NPR3: variants seen among roughly 807,000 people sequenced by gnomAD.
NPR3 encodes the protein natriuretic peptide receptor 3.
Under a neutral mutation model 54.5 loss-of-function variants are expected in NPR3, and 34 were observed. The ratio of observed to expected loss-of-function variants is 0.62; its 90% confidence interval spans 0.47 to 0.83. The LOEUF (loss-of-function observed/expected upper bound fraction) is 0.83. NPR3 is among the 40% of genes least tolerant of loss of function. NPR3 has a pLI of 0.00. For missense variants in NPR3, 674 were observed against 720.8 expected, an observed-to-expected ratio of 0.94 and a Z score of 0.74; for synonymous variants, 289 against 297.1, an observed-to-expected ratio of 0.97 and a Z score of 0.28.
chr5:32,761,920 C>T (rs1741188789), intron 3 of NPR3, among the ~76,000 whole-genome samples: 1 of 152,050 alleles, frequency 6.6e-6, no homozygotes, highest in Non-Finnish European at 1.5e-5. Flanking sequence ...TTAGGTATTT[C>T]TCCTAATGCT....
At chr5:32,729,304 C>T (rs1336219129) in intron 2 of NPR3, among the ~76,000 whole-genome samples, 1 of 152,052 alleles carries the variant, frequency 6.6e-6, no homozygotes, top group East Asian at 1.9e-4. Flanking sequence ...GCTGGGATTA[C>T]AGGCGTGAGC....
At chr5:32,781,272 A>G (rs1218145417) in intron 5 of NPR3, among the ~76,000 whole-genome samples, 1 of 152,220 alleles carries the variant, frequency 6.6e-6, no homozygotes, top group Non-Finnish European at 1.5e-5. Flanking sequence ...TCTCTGCCTC[A>G]GTTTCCTCAG....
chr5:32,761,167 A>AAATCAACTTGTCAATTTGATTTAAG (rs1741143247), intron 3 of NPR3, among the ~76,000 whole-genome samples: 1 of 152,078 alleles, frequency 6.6e-6, no homozygotes, highest in Non-Finnish European at 1.5e-5. Context: ...TTTTATATAT[A>AAATCAACTTGTCAATTTGATTTAAG]AATCAACTTG....
intron 3 of NPR3, among the ~76,000 whole-genome samples, chr5:32,743,253 A>G (rs1332681385): frequency 6.6e-6 from 1 of 152,192 alleles, no homozygotes; most frequent in Non-Finnish European, 1.5e-5. Flanking sequence ...GATGCAATAC[A>G]GAGAGATTCC....
intron 3 of NPR3, among the ~76,000 whole-genome samples, chr5:32,741,703 A>C (rs998469069): frequency 2.6e-5 from 4 of 152,130 alleles, no homozygotes; most frequent in African/African-American, 9.7e-5. Context: ...AGCTAACTAT[A>C]ATAACTTATT....
At chr5:32,784,992 C>A in intron 7 of NPR3, 109 bp downstream of exon 7, 1 of 902,278 alleles carries the variant, frequency 1.1e-6, no homozygotes, top group Non-Finnish European at 1.7e-6. Flanking sequence ...ACCCAGGAAG[C>A]ACGGTGGTTA....
chr5:32,758,282 C>T lies in NPR3; in HGVS notation c.1060-16426C>T, dbSNP rs201277056. Among the ~76,000 whole-genome samples the T allele has an allele frequency of 3.9e-5, 6 of 152,238 alleles. No individual in the cohort carries two copies. In the East Asian group the frequency reaches 9.6e-4, roughly 24 times the overall value. On this transcript the variant is annotated intron_variant, in intron 3 of 7. Transcript: ENST00000265074. ...TTAATTATTGCCTCAATTTCAGAAC[C>T]TGTTATTGGTCTATTCAGGGATTCA...
At position 32,714,265 on chromosome 5, in the gene NPR3, C is replaced by T. The variant is rs1441550350; in HGVS notation, c.769+1720C>T. On this transcript the variant is annotated intron_variant, in intron 1 of 7. Transcript: ENST00000265074. ...TAGATCCCAATGTCAGCGGCTGCCC[C>T]GGCGCACGTGGCCTGGGATACAAAA... 7.2e-5 allele frequency among the ~76,000 whole-genome samples: 11 copies of T among 152,366 alleles called. No individual in the cohort carries two copies. In the East Asian group the frequency reaches 2.1e-3, roughly 29 times the overall value.
At chr5:32,782,122 A>G (rs1025536484) in intron 5 of NPR3, among the ~76,000 whole-genome samples, 1 of 152,208 alleles carries the variant, frequency 6.6e-6, no homozygotes, top group Non-Finnish European at 1.5e-5. Flanking sequence ...TCCAGGGGCC[A>G]GAGGAGCCAA....
intron 1 of NPR3, among the ~76,000 whole-genome samples, chr5:32,715,111 G>A (rs1232388382): frequency 2.0e-5 from 3 of 152,168 alleles, no homozygotes; most frequent in African/African-American, 7.2e-5. Context: ...CCATGCCATG[G>A]GAAAGAACCC....
chr5:32,760,408 C>T (rs1191801926), intron 3 of NPR3, among the ~76,000 whole-genome samples: 2 of 152,144 alleles, frequency 1.3e-5, no homozygotes, highest in Non-Finnish European at 2.9e-5. Context: ...ATGTAAAATG[C>T]TACCTTGCTG....
chr5:32,790,482 T>C lies in NPR3; in HGVS notation c.*4137T>C, dbSNP rs945779723. 6.0e-5 allele frequency: 10 copies of C among 166,884 alleles called. No individual in the cohort carries two copies. Among genetic ancestry groups the C allele is most frequent in the Admixed American group, 1.3e-4 (2 of 15,264 alleles). The allele number at this position is 166,884 out of a possible 1,614,324, so 10.3% of individuals were successfully genotyped here. ...GAGAAACTAGTGCTGGTTTTAAGAATGTAGCTGGCTTTTCATCAGAACCCT... is the reference window on the plus strand; with the variant it reads ...GAGAAACTAGTGCTGGTTTTAAGAACGTAGCTGGCTTTTCATCAGAACCCT... On this transcript the variant is annotated 3_prime_UTR_variant, in exon 8 of 8. Transcript: ENST00000265074.
At chr5:32,719,431 T>C (rs948087043) in intron 1 of NPR3, among the ~76,000 whole-genome samples, 23 of 152,240 alleles carry the variant, frequency 1.5e-4, no homozygotes, top group African/African-American at 5.3e-4. Flanking sequence ...TATAGTATTC[T>C]AGGTTGGAAA....
chr5:32,781,747 C>A (rs184565361), intron 5 of NPR3, among the ~76,000 whole-genome samples: 137 of 152,236 alleles, frequency 9.0e-4, no homozygotes, highest in Middle Eastern at 3.4e-3. Context: ...TTTCTGGTTC[C>A]CCCTGGGAAA....
chr5:32,714,300 T>C (rs1022741883), intron 1 of NPR3, among the ~76,000 whole-genome samples: 5 of 152,136 alleles, frequency 3.3e-5, no homozygotes, highest in African/African-American at 1.2e-4. Flanking sequence ...ACCAAGGGCA[T>C]GTGTGAGACC....
intron 1 of NPR3, among the ~76,000 whole-genome samples, chr5:32,716,996 A>AAACCC (rs1561079842): frequency 9.1e-6 from 1 of 109,670 alleles, no homozygotes; most frequent in African/African-American, 3.7e-5. Flanking sequence ...CCATCCCCCA[A>AAACCC]CCCCCCCACC....
At chr5:32,775,008 A>G (rs2112050198) in intron 4 of NPR3, among the ~76,000 whole-genome samples, 165 bp downstream of exon 4, 1 of 152,300 alleles carries the variant, frequency 6.6e-6, no homozygotes, top group East Asian at 1.9e-4. Flanking sequence ...ATGAGATAAT[A>G]CACGTGAAAG....
chr5:32,757,211 C>T (rs554939393), intron 3 of NPR3, among the ~76,000 whole-genome samples: 133 of 152,258 alleles, frequency 8.7e-4, no homozygotes, highest in African/African-American at 2.8e-3. Context: ...GCCATTTTCA[C>T]GATATTGATT....
Position 32,711,630 on chromosome 5 carries a change from C to T in NPR3, c.-147C>T. The stretch of plus-strand genomic sequence containing the variant: ...GACGCTTCCTCTCTATCTTTTGGCG[C>T]ATTAGTGAAGGGGGTATTCTATTTT... On this transcript the variant is annotated 5_prime_UTR_variant, in exon 1 of 8. Transcript: ENST00000265074. 1 of 1,251,086 alleles carries T rather than the reference C, an allele frequency of 8.0e-7. No individual in the cohort carries two copies. The highest frequency in any genetic ancestry group is 1.0e-6 in the Non-Finnish European group (1 of 1,003,704). The allele number at this position is 1,251,086 out of a possible 1,614,324, so 77.5% of individuals were successfully genotyped here.
Sources: allele counts gnomAD v4.1 joint callset (sites outside exome capture counted in the v4.1 genomes callset), GRCh38; gene constraint gnomAD v4.1.1; transcripts MANE v1.5; gene names NCBI Gene and HGNC (gene_info 2026-07-23, HGNC 2026-07-21).